Variants in CCDC170 observed in about 807,000 individuals in gnomAD.
CCDC170 encodes coiled-coil domain-containing protein 170.
A neutral mutation model predicts 72.6 loss-of-function variants in CCDC170; 69 were observed. That is an observed-to-expected ratio of 0.95 (90% CI 0.78 to 1.16). The LOEUF is 1.16. Among genes scored for constraint, CCDC170 ranks in the 50% most tolerant of loss-of-function variants. The probability of loss-of-function intolerance (pLI) is 0.00; values close to 1 mark genes in which losing one functional copy is unlikely to be tolerated. For missense variants in CCDC170, 852 were observed against 832.5 expected (o/e 1.02, Z -0.29); for synonymous variants, 300 against 303.9 (o/e 0.99, Z 0.13).
chr6:151,511,844 T>C (rs1037250248), intron 1 of CCDC170, among the ~76,000 whole-genome samples: 8 of 152,204 alleles, frequency 5.3e-5, no homozygotes, highest in African/African-American at 1.4e-4. Context: ...CAGTAGTATA[T>C]GTATATCTTT....
At chr6:151,587,121 G>A (rs948574567) in intron 7 of CCDC170, among the ~76,000 whole-genome samples, 1 of 152,088 alleles carries the variant, frequency 6.6e-6, no homozygotes, top group Non-Finnish European at 1.5e-5. Flanking sequence ...TGATGTCCCC[G>A]TGGAGCTGAG....
At chr6:151,557,408 C>CAAA (rs201961628) in intron 5 of CCDC170, among the ~76,000 whole-genome samples, 5 of 132,244 alleles carry the variant, frequency 3.8e-5, no homozygotes, top group African/African-American at 1.5e-4. Context: ...GATTCTGTCT[C>CAAA]AAAAAAAAAA....
In CCDC170 at chr6:151,585,975, G is replaced by A; in HGVS notation, c.1179G>A (p.Arg393=). The A allele has an allele frequency of 6.2e-7, 1 of 1,614,066 alleles. No homozygotes were observed. Among genetic ancestry groups the A allele is most frequent in the Non-Finnish European group, 8.5e-7 (1 of 1,180,000 alleles). The part of the protein sequence containing the change: ...ESGFHQKALQ[R]AQKAENMLET... Reference sequence around the variant, plus strand: ...GGTTTCACCAGAAAGCTCTCCAGAGGGCCCAGAAAGCAGAGAATATGTTGG... The same window carrying A: ...GGTTTCACCAGAAAGCTCTCCAGAGAGCCCAGAAAGCAGAGAATATGTTGG... Residue 393 remains arginine, a synonymous_variant, in exon 7 of 11, where the codon AGG becomes AGA. Coordinates refer to ENST00000239374, the MANE Select transcript of CCDC170 (RefSeq NM_025059.4).
At position 151,547,073 on chromosome 6, in the gene CCDC170, C is replaced by G. The variant is rs1467759132; in HGVS notation, c.589-1231C>G. Among the ~76,000 whole-genome samples, 2 of 152,096 alleles carry G rather than the reference C, an allele frequency of 1.3e-5. 1 individual carries two copies. Among genetic ancestry groups the G allele is most frequent in the Non-Finnish European group, 2.9e-5 (2 of 68,026 alleles). ...ACTTCAGCCTCATTAGGTGTTCCTC[C>G]AAGAACAAAATGGCTCTGGTTTCAA... On this transcript the variant is annotated intron_variant, in intron 4 of 10. Transcript: ENST00000239374.
At chr6:151,595,645 G>A (rs1204506383) in intron 8 of CCDC170, among the ~76,000 whole-genome samples, 6 of 151,978 alleles carry the variant, frequency 3.9e-5, no homozygotes, top group Non-Finnish European at 8.8e-5. Context: ...ATGAAACCCT[G>A]TCTTTACAAA....
chr6:151,561,097 G>C (rs1783070064), intron 5 of CCDC170, among the ~76,000 whole-genome samples: 1 of 151,458 alleles, frequency 6.6e-6, no homozygotes, highest in South Asian at 2.1e-4. Flanking sequence ...GTACATAGTG[G>C]GTGTGTATAT....
Position 151,499,631 on chromosome 6 carries a change from A to G in CCDC170, c.57+5446A>G, listed in dbSNP as rs1302775688. The stretch of plus-strand genomic sequence containing the variant: ...TATTTGACTATTTTAGGCACGCTGC[A>G]TAAGTGGAATCATGCTGTATTTGAC... On this transcript the variant is annotated intron_variant, in intron 1 of 10. Coordinates refer to ENST00000239374, the MANE Select transcript of CCDC170 (RefSeq NM_025059.4). 5.3e-5 allele frequency among the ~76,000 whole-genome samples: 6 copies of G among 113,392 alleles called. 1 individual carries two copies. Among genetic ancestry groups the G allele is most frequent in the Non-Finnish European group, 9.5e-5 (5 of 52,436 alleles). 74.4% of individuals were successfully genotyped at this position (113,392 alleles called of 152,430 possible).
At chr6:151,522,799 T>TAAACAAGCATCGTATCTTACATAG (rs1237133977) in intron 1 of CCDC170, among the ~76,000 whole-genome samples, 6 of 152,192 alleles carry the variant, frequency 3.9e-5, no homozygotes, top group Non-Finnish European at 8.8e-5. Context: ...ACCTTGCATA[T>TAAACAAGCATCGTATCTTACATAG]AAACAAGCAT....
chr6:151,618,270 G>T lies in CCDC170; in HGVS notation c.*123G>T. 1 of 835,062 alleles carries T rather than the reference G, an allele frequency of 1.2e-6. No individual in the cohort carries two copies. The highest frequency in any genetic ancestry group is 1.8e-6 in the Non-Finnish European group (1 of 542,068). The allele number at this position is 835,062 out of a possible 1,614,324, so 51.7% of individuals were successfully genotyped here. A position where few individuals can be genotyped will look rare whatever the true frequency, so the allele number is the denominator to read the frequency against. ...ATTTTATGCTTTGATGATATAGTGA[G>T]AATGCATCACTTGCAAAAACGATCT... is the stretch of plus-strand genomic sequence containing the variant. On this transcript the variant is annotated 3_prime_UTR_variant, in exon 11 of 11. Coordinates refer to ENST00000239374, the MANE Select transcript of CCDC170 (RefSeq NM_025059.4).
intron 4 of CCDC170, among the ~76,000 whole-genome samples, chr6:151,546,821 G>A (rs1782778943): frequency 6.6e-6 from 1 of 152,070 alleles, no homozygotes; most frequent in South Asian, 2.1e-4. Flanking sequence ...GTAGTGTGGT[G>A]GGTTCCTGCC....
At chr6:151,587,478 G>T (rs1325367257) in intron 7 of CCDC170, among the ~76,000 whole-genome samples, 1 of 152,114 alleles carries the variant, frequency 6.6e-6, no homozygotes, top group African/African-American at 2.4e-5. Flanking sequence ...AGGAGGGAGT[G>T]TGGGAAGGGA....
At chr6:151,587,870 G>A (rs1167665437) in intron 7 of CCDC170, among the ~76,000 whole-genome samples, 1 of 152,132 alleles carries the variant, frequency 6.6e-6, no homozygotes, top group African/African-American at 2.4e-5. Flanking sequence ...TGGTAAGTGA[G>A]CCATCTTCAC....
At chr6:151,573,061 A>G (rs1408094193) in intron 5 of CCDC170, 113 bp from the exon 6 acceptor site, 17 of 913,074 alleles carry the variant, frequency 1.9e-5, no homozygotes, top group Non-Finnish European at 2.9e-5. Flanking sequence ...GGAGTAATTA[A>G]CCCAACCCCT....
At chr6:151,530,007 C>T (rs968140096) in intron 1 of CCDC170, among the ~76,000 whole-genome samples, 4 of 152,162 alleles carry the variant, frequency 2.6e-5, no homozygotes, top group Admixed American at 2.0e-4. Context: ...ATAACAGCAT[C>T]AACCCATTTA....
At chr6:151,514,362 AGGGAGGGAGGG>A (rs1782201375) in intron 1 of CCDC170, among the ~76,000 whole-genome samples, 6 of 16,814 alleles carry the variant, frequency 3.6e-4, no homozygotes, top group Non-Finnish European at 4.1e-4. Context: ...GGAGGGAGGG[AGGGAGGGAGGG>A]AGGAAGGAAG....
At chr6:151,555,535 G>T (rs2115066174) in intron 5 of CCDC170, among the ~76,000 whole-genome samples, 1 of 152,300 alleles carries the variant, frequency 6.6e-6, no homozygotes, top group South Asian at 2.1e-4. Flanking sequence ...TAAGAATCAT[G>T]TTTTAAAACA....
intron 9 of CCDC170, among the ~76,000 whole-genome samples, chr6:151,604,481 G>A (rs1389683228): frequency 6.6e-6 from 1 of 152,148 alleles, no homozygotes; most frequent in Non-Finnish European, 1.5e-5. Flanking sequence ...CATTACAGCT[G>A]GATAGGAGGA....
chr6:151,561,935 A>T (rs1233954372), intron 5 of CCDC170, among the ~76,000 whole-genome samples: 1 of 152,084 alleles, frequency 6.6e-6, no homozygotes, highest in Non-Finnish European at 1.5e-5. Context: ...TTAAAATTTT[A>T]TTTTTGTCTG....
intron 9 of CCDC170, among the ~76,000 whole-genome samples, chr6:151,605,354 TCTGGCAGTGTGGGAGG>T (rs1776767282): frequency 6.6e-6 from 1 of 152,202 alleles, no homozygotes. Context: ...AAGGGGATAT[TCTGGCAGTGTGGGAGG>T]CTAGCAAGGG....
Sources: allele counts gnomAD v4.1 joint callset (sites outside exome capture counted in the v4.1 genomes callset), GRCh38; gene constraint gnomAD v4.1.1; transcripts MANE v1.5; gene names NCBI Gene and HGNC (gene_info 2026-07-23, HGNC 2026-07-21).